TNFRSF10B: variants seen among roughly 807,000 people sequenced by gnomAD.
TNFRSF10B encodes the protein TNF receptor superfamily member 10b, also known as tumor necrosis factor receptor superfamily member 10B.
Under a neutral mutation model 41.4 loss-of-function variants are expected in TNFRSF10B, and 35 were observed. The ratio of observed to expected loss-of-function variants is 0.85; its 90% CI spans 0.65 to 1.12. The LOEUF (loss-of-function observed/expected upper bound fraction) is 1.12, where lower values mean the gene tolerates loss of function less well. Ranked by LOEUF, TNFRSF10B falls within the 50% of genes most tolerant of loss-of-function variation. The pLI is 0.00. For synonymous variants in TNFRSF10B, 230 were observed against 215.5 expected (o/e 1.07, Z -0.59); for missense variants, 584 against 552.7 (o/e 1.06, Z -0.57).
chr8:23,027,136 C>T lies in TNFRSF10B; in HGVS notation c.933G>A (p.Leu311=), dbSNP rs748498107. 4 of 1,613,996 alleles carry T rather than the reference C, an allele frequency of 2.5e-6. No homozygotes were observed. Among genetic ancestry groups the T allele is most frequent in the Non-Finnish European group, 3.4e-6 (4 of 1,180,030 alleles). The change falls in exon 7 of 9, where the codon CTG becomes CTA. Residue 311 remains leucine, a synonymous_variant. Transcript: ENST00000276431. ...AAATGATCTGTCCCCCACTCACCAG[C>T]AGATGCTCTGACTCCCCGGGGGACA... ...NMLSPGESEH[L]LEPAEAERSQ...
At chr8:23,031,375 C>CAATTTATT (rs71546843) in intron 2 of TNFRSF10B, among the ~76,000 whole-genome samples, 1 of 140,484 alleles carries the variant, frequency 7.1e-6, no homozygotes, top group Non-Finnish European at 1.5e-5. Context: ...TGCACCCGGC[C>CAATTTATT]TATTTATTTA....
chr8:23,046,462 T>C (rs910410671), intron 1 of TNFRSF10B, among the ~76,000 whole-genome samples: 1 of 151,976 alleles, frequency 6.6e-6, no homozygotes, highest in African/African-American at 2.4e-5. Context: ...CACAAATGCA[T>C]GAAAATAAAT....
At chr8:23,055,146 C>CAT (rs925536401) in intron 1 of TNFRSF10B, among the ~76,000 whole-genome samples, 1 of 152,010 alleles carries the variant, frequency 6.6e-6, no homozygotes, top group Non-Finnish European at 1.5e-5. Context: ...CCTTTTTCTC[C>CAT]ATTTTCCCTA....
Position 23,029,605 on chromosome 8 carries a change from C to A in TNFRSF10B, c.476+5G>T, listed in dbSNP as rs776708996. 1.2e-6 allele frequency: 2 copies of A among 1,607,474 alleles called. No individual in the cohort carries two copies. Among genetic ancestry groups the A allele is most frequent in the Non-Finnish European group, 1.7e-6 (2 of 1,176,574 alleles). ...GCTACTGGGAGCCCCCGGCTCCTGT[C>A]TCACCCTGTGCGGCACTTCCGGCAC... On this transcript the variant is annotated splice_donor_5th_base_variant and intron_variant, in intron 4 of 8. Coordinates refer to ENST00000276431, the MANE Select transcript of TNFRSF10B (RefSeq NM_003842.5).
At position 23,027,297 on chromosome 8, in the gene TNFRSF10B, A is replaced by G; in HGVS notation, c.781-9T>C. 1 of 1,613,974 alleles carries G rather than the reference A, an allele frequency of 6.2e-7. No individual in the cohort carries two copies. The highest frequency in any genetic ancestry group is 8.5e-7 in the Non-Finnish European group (1 of 1,179,996). On this transcript the variant is annotated splice_polypyrimidine_tract_variant and intron_variant, in intron 6 of 8. Coordinates refer to ENST00000276431, the MANE Select transcript of TNFRSF10B (RefSeq NM_003842.5). ...CCAGGTCGTTGTGAGCTCTGGAAAA[A>G]GACATTGGGAAGGCAAAAAGCCGAC... is the stretch of plus-strand genomic sequence containing the variant.
At chr8:23,066,287 A>T (rs935978248) in intron 1 of TNFRSF10B, among the ~76,000 whole-genome samples, 3 of 152,192 alleles carry the variant, frequency 2.0e-5, no homozygotes, top group Non-Finnish European at 4.4e-5. Context: ...TGTCTCAAAA[A>T]AGAAAAACAC....
chr8:23,068,403 A>G (rs1585232765), intron 1 of TNFRSF10B: 2 of 375,588 alleles, frequency 5.3e-6, no homozygotes, highest in Admixed American at 4.4e-5. Flanking sequence ...GAAAGAGAAA[A>G]AGAGAAAGAA....
At chr8:23,028,057 C>A in intron 5 of TNFRSF10B, 1 of 600,604 alleles carries the variant, frequency 1.7e-6, no homozygotes, top group Non-Finnish European at 2.9e-6. Context: ...CTGCCCCCTG[C>A]CTGGCTGGGC....
chr8:23,038,596 T>C (rs1317149593), intron 2 of TNFRSF10B, among the ~76,000 whole-genome samples: 1 of 152,240 alleles, frequency 6.6e-6, no homozygotes, highest in Non-Finnish European at 1.5e-5. Context: ...GTTCACTTTA[T>C]AGTATTTATG....
At chr8:23,050,652 G>C (rs1272227153) in intron 1 of TNFRSF10B, among the ~76,000 whole-genome samples, 5 of 152,100 alleles carry the variant, frequency 3.3e-5, no homozygotes, top group Admixed American at 6.6e-5. Context: ...GTGTAATTTA[G>C]ACACTTAGAA....
intron 2 of TNFRSF10B, among the ~76,000 whole-genome samples, chr8:23,036,827 T>C (rs1414052476): frequency 6.6e-6 from 1 of 151,918 alleles, no homozygotes; most frequent in African/African-American, 2.4e-5. Flanking sequence ...CGGGCAACAA[T>C]AGCGAAACTC....
intron 2 of TNFRSF10B, among the ~76,000 whole-genome samples, chr8:23,032,227 T>C (rs2128812761): frequency 6.6e-6 from 1 of 152,248 alleles, no homozygotes; most frequent in South Asian, 2.1e-4. Flanking sequence ...TCTTAGACCT[T>C]TAAAATGCAC....
At chr8:23,047,794 G>A (rs1206937671) in intron 1 of TNFRSF10B, among the ~76,000 whole-genome samples, 4 of 152,196 alleles carry the variant, frequency 2.6e-5, no homozygotes, top group African/African-American at 9.7e-5. Flanking sequence ...AAGGCAGTAT[G>A]GAGCTTCCTC....
At position 23,022,698 on chromosome 8, in the gene TNFRSF10B, T is replaced by C; in HGVS notation, c.1296A>G (p.Glu432=). The change falls in exon 9 of 9, where the codon GAA becomes GAG. Residue 432 remains glutamate, a synonymous_variant. Transcript: ENST00000276431. ...LLSSGKFMYL[E]GNADSAMS is the part of the protein sequence containing the mutation. ...AGGACATGGCAGAGTCTGCATTACC[T>C]TCTAGATACATGAACTTTCCAGAGC... is the stretch of plus-strand genomic sequence containing the variant. 1 of 1,614,064 alleles carries C rather than the reference T, an allele frequency of 6.2e-7. No homozygotes were observed. Among genetic ancestry groups the C allele is most frequent in the Non-Finnish European group, 8.5e-7 (1 of 1,180,026 alleles).
intron 1 of TNFRSF10B, among the ~76,000 whole-genome samples, chr8:23,064,527 G>A (rs1472538200): frequency 6.6e-6 from 1 of 152,260 alleles, no homozygotes; most frequent in African/African-American, 2.4e-5. Context: ...TTAAGAGAGA[G>A]AAGGAAAACA....
rs760766067 is a variant in TNFRSF10B at position 23,022,811 on chromosome 8, G to A, written c.1183C>T (p.Arg395Ter). 3.2e-5 allele frequency: 51 copies of A among 1,613,724 alleles called. No homozygotes were observed. The highest frequency in any genetic ancestry group is 3.7e-5 in the Non-Finnish European group (44 of 1,179,880). Reference sequence around the variant, plus strand: ...AGCAGGGTGTGGACAGAGGCATCTCGCCCGGTTTTGTTGACCCACTTTATC... The same window carrying A: ...AGCAGGGTGTGGACAGAGGCATCTCACCCGGTTTTGTTGACCCACTTTATC... ...MLIKWVNKTGRDASVHTLLDA... is the reference protein window; with the variant it reads ...MLIKWVNKTG The change falls in exon 9 of 9, where the codon CGA becomes TGA. Residue 395 changes from arginine to a stop codon, truncating the protein, a stop_gained. Coordinates refer to ENST00000276431, the MANE Select transcript of TNFRSF10B (RefSeq NM_003842.5). LOFTEE classifies it low-confidence loss of function (END_TRUNC).
At chr8:23,039,215 G>T (rs1459910701) in intron 2 of TNFRSF10B, among the ~76,000 whole-genome samples, 1 of 152,026 alleles carries the variant, frequency 6.6e-6, no homozygotes. Flanking sequence ...GGGCAGTAAT[G>T]CTCACTCATC....
intron 1 of TNFRSF10B, among the ~76,000 whole-genome samples, chr8:23,048,051 A>G (rs1812413568): frequency 6.6e-6 from 1 of 152,254 alleles, no homozygotes; most frequent in Non-Finnish European, 1.5e-5. Context: ...TGTCACTTGA[A>G]ACAACATGGA....
Position 23,068,766 on chromosome 8 carries a change from G to A in TNFRSF10B, c.129C>T (p.Ala43=). Residue 43 remains alanine (A), a synonymous_variant, in exon 1 of 9, where the codon GCC becomes GCT. Coordinates refer to ENST00000276431, the MANE Select transcript of TNFRSF10B (RefSeq NM_003842.5). ...GGGGACTCACCAACAGCAGGACCGC[G>A]GCGACAACGAGCACAAGGGTCTTGG... ...RVPKTLVLVV[A]AVLLLVSAES... is the part of the protein sequence containing the mutation. 6.3e-7 allele frequency: 1 copy of A among 1,593,728 alleles called. No individual in the cohort carries two copies. The highest frequency in any genetic ancestry group is 8.5e-7 in the Non-Finnish European group (1 of 1,170,312).
Sources: gnomAD v4.1 joint callset for allele counts (sites outside exome capture counted in the v4.1 genomes callset) on GRCh38, gnomAD v4.1.1 for gene constraint, MANE v1.5 for transcripts, NCBI Gene and HGNC (gene_info 2026-07-23, HGNC 2026-07-21) for gene names.